Variants in MIB1 observed in about 807,000 individuals in gnomAD.
MIB1 encodes MIB E3 ubiquitin protein ligase 1, also known as E3 ubiquitin-protein ligase MIB1.
Under a neutral mutation model 124.5 loss-of-function variants are expected in MIB1, and 278 were observed. That is an observed-to-expected ratio of 2.23 (90% CI 2.02 to 2.47). The LOEUF is 2.47. Ranked by LOEUF, MIB1 falls within the 30% of genes most tolerant of loss-of-function variation. MIB1 has a pLI of 0.00. For synonymous variants in MIB1, 446 were observed against 429.4 expected, an observed-to-expected ratio of 1.04 and a Z score of -0.48; for missense variants, 957 against 1,254.4, an observed-to-expected ratio of 0.76 and a Z score of 3.58.
chr18:21,849,463 G>T, intron 17 of MIB1, 75 bp downstream of exon 17: 1 of 814,098 alleles, frequency 1.2e-6, no homozygotes, highest in East Asian at 2.9e-5. Context: ...AAGATTTAAT[G>T]ACATCATGCG....
At chr18:21,791,302 T>C in intron 6 of MIB1, 72 bp from the exon 7 acceptor site, 6 of 1,308,590 alleles carry the variant, frequency 4.6e-6, no homozygotes, top group Non-Finnish European at 6.3e-6. Context: ...TCTTTTGATC[T>C]TCACTGTTTA....
chr18:21,857,527 AT>A (rs1223428666), intron 19 of MIB1, among the ~76,000 whole-genome samples: 1 of 152,230 alleles, frequency 6.6e-6, no homozygotes, highest in Non-Finnish European at 1.5e-5. Context: ...TTTGTGCTCT[AT>A]TTTTAAGATG....
At chr18:21,761,642 A>G (rs1016840913) in intron 1 of MIB1, among the ~76,000 whole-genome samples, 2 of 152,106 alleles carry the variant, frequency 1.3e-5, no homozygotes, top group Non-Finnish European at 2.9e-5. Flanking sequence ...AACTGCCTCA[A>G]TTAATAGAGT....
intron 4 of MIB1, among the ~76,000 whole-genome samples, chr18:21,776,963 C>T (rs1281645969): frequency 2.0e-5 from 3 of 150,388 alleles, no homozygotes; most frequent in Non-Finnish European, 3.0e-5. Flanking sequence ...GGTGACAGAG[C>T]GAGACTCCAT....
chr18:21,796,984 CTT>C (rs1187197046), intron 7 of MIB1, among the ~76,000 whole-genome samples: 1 of 152,074 alleles, frequency 6.6e-6, no homozygotes, highest in African/African-American at 2.4e-5. Flanking sequence ...TACTTGTGGA[CTT>C]TATGTGGATC....
intron 4 of MIB1, among the ~76,000 whole-genome samples, chr18:21,777,676 T>C (rs2146423335): frequency 6.6e-6 from 1 of 152,210 alleles, no homozygotes; most frequent in South Asian, 2.1e-4. Context: ...TGCCTCCACC[T>C]CCTGAGCATC....
chr18:21,858,582 A>T lies in MIB1; in HGVS notation c.2816A>T (p.Asp939Val), dbSNP rs777217548. The T allele has an allele frequency of 4.4e-6, 7 of 1,597,094 alleles. No individual in the cohort carries two copies. In the South Asian group the frequency reaches 6.6e-5, roughly 15 times the overall value. Residue 939 changes from aspartate (D) to valine (V), a missense_variant, in exon 20 of 21, where the codon GAT becomes GTT. By Grantham distance (152) the Asp-to-Val change is radical. Coordinates refer to ENST00000261537, the MANE Select transcript of MIB1 (RefSeq NM_020774.4). Reference sequence around the variant, plus strand: ...ATTCCAGTATTACAAAAGGACAAGGATAATACCAATGTCAATGCAGATGTG... The same window carrying T: ...ATTCCAGTATTACAAAAGGACAAGGTTAATACCAATGTCAATGCAGATGTG... ...GNIPVLQKDK[D>V]NTNVNADVQK...
intron 1 of MIB1, among the ~76,000 whole-genome samples, chr18:21,716,552 T>TA (rs1198940888): frequency 3.9e-5 from 6 of 152,136 alleles, no homozygotes; most frequent in African/African-American, 1.4e-4. Context: ...GTAAATGGCC[T>TA]AAAAAATGCT....
chr18:21,834,851 G>A (rs556875355), intron 12 of MIB1, among the ~76,000 whole-genome samples: 1 of 152,246 alleles, frequency 6.6e-6, no homozygotes, highest in East Asian at 1.9e-4. Context: ...TCTCAGGTGT[G>A]GACTTTGGTT....
At chr18:21,730,715 A>G (rs2040765469) in intron 1 of MIB1, among the ~76,000 whole-genome samples, 1 of 152,220 alleles carries the variant, frequency 6.6e-6, no homozygotes, top group Non-Finnish European at 1.5e-5. Context: ...TCTGCCAAAC[A>G]ATTTCTCTGA....
At chr18:21,843,962 G>A (rs2146505998) in intron 14 of MIB1, 130 bp from the exon 15 acceptor site, 1 of 821,560 alleles carries the variant, frequency 1.2e-6, no homozygotes, top group South Asian at 1.9e-5. Context: ...GAAGGCAAAA[G>A]CATAAAAATG....
intron 3 of MIB1, among the ~76,000 whole-genome samples, chr18:21,770,355 CTT>C (rs1222806465): frequency 6.6e-6 from 1 of 152,172 alleles, no homozygotes; most frequent in African/African-American, 2.4e-5. Context: ...TGTTGTCTGA[CTT>C]TTTTGTTTTG....
chr18:21,761,792 A>G (rs2041100507), intron 1 of MIB1, among the ~76,000 whole-genome samples: 2 of 152,214 alleles, frequency 1.3e-5, no homozygotes, highest in Non-Finnish European at 2.9e-5. Flanking sequence ...GCTCTGAGCC[A>G]ATGCTGAGAA....
rs2040838790 is a variant in MIB1 at position 21,740,815 on chromosome 18, G to C, written c.-769G>C. 6.6e-6 allele frequency among the ~76,000 whole-genome samples: 1 copy of C among 152,244 alleles called. No homozygotes were observed. The highest frequency in any genetic ancestry group is 2.4e-5 in the African/African-American group (1 of 41,466). ...TCCTTGGACCCTGGAGAGACGCTTA[G>C]GGATCAGTTTTCTCCTCCTTTCTTC... is the stretch of plus-strand genomic sequence containing the variant. On this transcript the variant is annotated 5_prime_UTR_variant, in exon 1 of 21. Transcript: ENST00000261537.
In MIB1 at chr18:21,815,080, TATAA is replaced by T. The variant is rs1208063552; in HGVS notation, c.1480-524_1480-521del. On this transcript the variant is annotated intron_variant, in intron 10 of 20. Transcript: ENST00000261537. ...ATAAAATTATATATAAATGTATATA[TATAA>T]ATAAATAAATACATATATATAAAAT... 2.5e-4 allele frequency among the ~76,000 whole-genome samples: 35 copies of T among 139,398 alleles called. No individual in the cohort carries two copies. The South Asian group carries it at 3.1e-3, about 12-fold the overall frequency. The allele number at this position is 139,398 out of a possible 152,430, so 91.5% of individuals were successfully genotyped here. A position where few individuals can be genotyped will look rare whatever the true frequency, so the allele number is the denominator to read the frequency against.
chr18:21,743,350 A>G (rs1367948278), intron 1 of MIB1, among the ~76,000 whole-genome samples: 2 of 152,210 alleles, frequency 1.3e-5, no homozygotes, highest in African/African-American at 4.8e-5. Context: ...TCATGGCTGC[A>G]TAGTATTCCA....
chr18:21,862,532 T>C (rs1019979762), intron 20 of MIB1, among the ~76,000 whole-genome samples: 6 of 152,238 alleles, frequency 3.9e-5, no homozygotes, highest in Non-Finnish European at 5.9e-5. Flanking sequence ...TTCAGACATA[T>C]ACCTGACATA....
chr18:21,757,782 G>A (rs1055494452), intron 1 of MIB1, among the ~76,000 whole-genome samples: 11 of 151,844 alleles, frequency 7.2e-5, no homozygotes, highest in Non-Finnish European at 1.2e-4. Flanking sequence ...CACCACACCC[G>A]GCCAGTCTTT....
chr18:21,767,061 C>T (rs765316306), intron 2 of MIB1, among the ~76,000 whole-genome samples: 3 of 152,122 alleles, frequency 2.0e-5, no homozygotes, highest in African/African-American at 7.2e-5. Flanking sequence ...TCATAATCTT[C>T]TGTAAGTATG....
Sources: allele counts gnomAD v4.1 joint callset (sites outside exome capture counted in the v4.1 genomes callset), GRCh38; gene constraint gnomAD v4.1.1; transcripts MANE v1.5; gene names NCBI Gene and HGNC (gene_info 2026-07-23, HGNC 2026-07-21).